Variants in PDE3A observed in about 807,000 individuals in gnomAD.
PDE3A encodes the protein phosphodiesterase 3A, also known as cGMP-inhibited 3',5'-cyclic phosphodiesterase 3A.
Under a neutral mutation model 98.3 loss-of-function variants are expected in PDE3A, and 43 were observed. The ratio of observed to expected loss-of-function variants is 0.44; its 90% CI spans 0.34 to 0.56. PDE3A has a LOEUF of 0.56. PDE3A is among the 20% of genes least tolerant of loss of function. PDE3A has a pLI of 0.01. For synonymous variants in PDE3A, 663 were observed against 567.9 expected (o/e 1.17, Z -2.38); for missense variants, 1,427 against 1,440.7 (o/e 0.99, Z 0.15).
At chr12:20,432,130 T>G (rs1294516004) in intron 1 of PDE3A, among the ~76,000 whole-genome samples, 2 of 152,214 alleles carry the variant, frequency 1.3e-5, no homozygotes, top group East Asian at 1.9e-4. Flanking sequence ...GTTAAATGAT[T>G]GCTTAAAGTC....
At chr12:20,490,861 A>G (rs946085763) in intron 1 of PDE3A, among the ~76,000 whole-genome samples, 2 of 152,106 alleles carry the variant, frequency 1.3e-5, no homozygotes, top group Non-Finnish European at 2.9e-5. Context: ...CTGTGATTTC[A>G]GTTATTTGGG....
intron 1 of PDE3A, among the ~76,000 whole-genome samples, chr12:20,406,038 A>G (rs7299430): frequency 0.77 from 117,523 of 152,170 alleles, 45,588 homozygotes; most frequent in East Asian, 0.98. Flanking sequence ...TTGTGCAAAT[A>G]GTAGGATTTT....
chr12:20,437,701 C>T (rs984333812), intron 1 of PDE3A, among the ~76,000 whole-genome samples: 7 of 152,102 alleles, frequency 4.6e-5, no homozygotes, highest in Non-Finnish European at 8.8e-5. Context: ...GAAACCTGTC[C>T]CCCATGATCT....
At chr12:20,405,195 T>C (rs1944210840) in intron 1 of PDE3A, among the ~76,000 whole-genome samples, 1 of 152,144 alleles carries the variant, frequency 6.6e-6, no homozygotes, top group Non-Finnish European at 1.5e-5. Flanking sequence ...TTTTTCTCTA[T>C]CTTTGCTGTG....
intron 2 of PDE3A, among the ~76,000 whole-genome samples, chr12:20,590,335 C>T (rs1943307161): frequency 6.7e-6 from 1 of 148,902 alleles, no homozygotes; most frequent in African/African-American, 2.5e-5. Flanking sequence ...CCCTTTTCTT[C>T]TCTCAACTGC....
intron 1 of PDE3A, among the ~76,000 whole-genome samples, chr12:20,406,553 T>A (rs1944236738): frequency 6.6e-6 from 1 of 152,222 alleles, no homozygotes; most frequent in African/African-American, 2.4e-5. Flanking sequence ...GCCCATTAAA[T>A]CAAGTTACTT....
intron 1 of PDE3A, among the ~76,000 whole-genome samples, chr12:20,415,820 C>T (rs191049867): frequency 6.6e-6 from 1 of 152,248 alleles, no homozygotes; most frequent in African/African-American, 2.4e-5. Flanking sequence ...GAATGAAGCT[C>T]ATGGGATATT....
chr12:20,644,511 G>A (rs1321343489), intron 10 of PDE3A, among the ~76,000 whole-genome samples: 2 of 152,106 alleles, frequency 1.3e-5, no homozygotes, highest in Non-Finnish European at 1.5e-5. Flanking sequence ...ACCCAAGTTA[G>A]CATGGATAAT....
chr12:20,552,276 C>T lies in PDE3A; in HGVS notation c.961-4384C>T, dbSNP rs555711525. On this transcript the variant is annotated intron_variant, in intron 1 of 15. Coordinates refer to ENST00000359062, the MANE Select transcript of PDE3A (RefSeq NM_000921.5). This position sits in a 1 kb window ranked among gnomAD's most constrained non-coding sequence, Gnocchi z 5.1. ...GTGGCAAGAATAGCAAGTACGCCCCCGCTGAGGGCAACCGCTACGATGGCA... is the reference window on the plus strand; with the variant it reads ...GTGGCAAGAATAGCAAGTACGCCCCTGCTGAGGGCAACCGCTACGATGGCA... The T allele has an allele frequency of 2.1e-4, 333 of 1,613,848 alleles. 1 individual carries two copies. The highest frequency in any genetic ancestry group is 9.9e-4 in the Middle Eastern group (6 of 6,060).
chr12:20,407,751 G>T (rs1023611712), intron 1 of PDE3A, among the ~76,000 whole-genome samples: 4 of 151,790 alleles, frequency 2.6e-5, no homozygotes, highest in African/African-American at 9.7e-5. Context: ...ACTATTTCCA[G>T]TTGGCTTTCA....
In PDE3A at chr12:20,683,966, G is replaced by A. The variant is rs1945874985; in HGVS notation, c.*3695G>A. The A allele has an allele frequency of 6.6e-6, 1 of 152,084 alleles. No individual in the cohort carries two copies. The allele number at this position is 152,084 out of a possible 1,614,324, so 9.4% of individuals were successfully genotyped here. ...CTATCTTACCCAGATAACTTTCTTTGAAGGTAAAAGCTGTGCAAAAGGCAT... is the reference window on the plus strand; with the variant it reads ...CTATCTTACCCAGATAACTTTCTTTAAAGGTAAAAGCTGTGCAAAAGGCAT... On this transcript the variant is annotated 3_prime_UTR_variant, in exon 16 of 16. Transcript: ENST00000359062.
intron 1 of PDE3A, among the ~76,000 whole-genome samples, chr12:20,521,632 T>G (rs1213808149): frequency 6.6e-6 from 1 of 152,226 alleles, no homozygotes; most frequent in East Asian, 1.9e-4. Flanking sequence ...TGGAAATGTC[T>G]GTAATATTAA....
At chr12:20,612,462 G>A (rs141173133) in intron 2 of PDE3A, among the ~76,000 whole-genome samples, 97 of 150,884 alleles carry the variant, frequency 6.4e-4, no homozygotes, top group African/African-American at 2.0e-3. Flanking sequence ...AGATACATTA[G>A]GAATATCCTT....
chr12:20,499,698 A>G (rs1399514538), intron 1 of PDE3A, among the ~76,000 whole-genome samples: 1 of 152,140 alleles, frequency 6.6e-6, no homozygotes, highest in African/African-American at 2.4e-5. Context: ...TATTTTATTG[A>G]AGTACAATTT....
intron 1 of PDE3A, among the ~76,000 whole-genome samples, chr12:20,523,581 C>T (rs917831812): frequency 3.3e-5 from 5 of 152,160 alleles, no homozygotes; most frequent in Non-Finnish European, 4.4e-5. Flanking sequence ...ACCACTTACA[C>T]AGAGGCATTT....
At chr12:20,548,416 A>AT (rs1404141523) in intron 1 of PDE3A, among the ~76,000 whole-genome samples, 3 of 152,024 alleles carry the variant, frequency 2.0e-5, no homozygotes, top group Admixed American at 6.6e-5. Flanking sequence ...GCCAGAGGGT[A>AT]TTTTTTATAG....
chr12:20,573,787 A>C (rs903810475), intron 2 of PDE3A, among the ~76,000 whole-genome samples: 2 of 152,126 alleles, frequency 1.3e-5, no homozygotes, highest in Non-Finnish European at 2.9e-5. Flanking sequence ...AATTAGAAAC[A>C]TAATCCCTAT....
intron 4 of PDE3A, among the ~76,000 whole-genome samples, chr12:20,620,305 A>T (rs981862763): frequency 6.6e-6 from 1 of 152,010 alleles, no homozygotes; most frequent in Admixed American, 6.6e-5. Context: ...CAAATTGTCA[A>T]ATCATATTTA....
intron 1 of PDE3A, among the ~76,000 whole-genome samples, chr12:20,430,640 G>A (rs899022778): frequency 1.3e-5 from 2 of 152,142 alleles, no homozygotes; most frequent in African/African-American, 2.4e-5. Context: ...AGTGAGCAAA[G>A]TTGAGATGGG....
Sources: gnomAD v4.1 joint callset for allele counts (sites outside exome capture counted in the v4.1 genomes callset) on GRCh38, gnomAD v4.1.1 for gene constraint, Gnocchi (gnomAD v3.1) non-coding constraint, MANE v1.5 for transcripts, NCBI Gene and HGNC (gene_info 2026-07-23, HGNC 2026-07-21) for gene names.